Variants in SNED1 observed in about 807,000 individuals in gnomAD.
The protein encoded by SNED1 is sushi, nidogen and EGF like domains 1.
In SNED1, 81 loss-of-function variants were observed where a neutral mutation model predicts 166.7. The ratio of observed to expected loss-of-function variants is 0.49; its 90% CI spans 0.41 to 0.58. The LOEUF is 0.58. SNED1 is among the 20% of genes least tolerant of loss of function. The pLI, the probability that SNED1 is intolerant of heterozygous loss-of-function variation, is 0.00. For synonymous variants in SNED1, 762 were observed against 822.0 expected, an observed-to-expected ratio of 0.93 and a Z score of 1.25; for missense variants, 1,604 against 2,000.2, an observed-to-expected ratio of 0.80 and a Z score of 3.78.
intron 1 of SNED1, chr2:241,010,719 T>TG (rs1397695918): frequency 6.6e-6 from 1 of 152,480 alleles, no homozygotes; most frequent in Non-Finnish European, 1.5e-5. Flanking sequence ...GGTGCTCAGC[T>TG]GTGTCCAACG....
At chr2:241,079,468 T>C (rs547059600) in intron 27 of SNED1, among the ~76,000 whole-genome samples, 2 of 151,356 alleles carry the variant, frequency 1.3e-5, no homozygotes, top group South Asian at 4.2e-4. Flanking sequence ...TTGTCTTTTG[T>C]GTAGGAAAAT....
chr2:241,005,026 T>C (rs1053659105), intron 1 of SNED1, among the ~76,000 whole-genome samples: 4 of 152,116 alleles, frequency 2.6e-5, no homozygotes, highest in African/African-American at 9.7e-5. Context: ...TGGCCAATGT[T>C]TTTTTTCTTT....
Position 241,051,877 on chromosome 2 carries a change from C to A in SNED1, c.1852+17C>A. On this transcript the variant is annotated intron_variant, in intron 13 of 31. Transcript: ENST00000310397. This position sits in a 1 kb window ranked among gnomAD's most constrained non-coding sequence, Gnocchi z 4.7. Reference sequence around the variant, plus strand: ...GTGAGATCGGTGCGGCCCCCAGGGGCAGGGGGGAGGGCAGGAACGACGGGC... The same window carrying A: ...GTGAGATCGGTGCGGCCCCCAGGGGAAGGGGGGAGGGCAGGAACGACGGGC... 1.3e-6 allele frequency: 2 copies of A among 1,524,358 alleles called. No homozygotes were observed. The highest frequency in any genetic ancestry group is 1.8e-6 in the Non-Finnish European group (2 of 1,131,058). 94.4% of individuals were successfully genotyped at this position (1,524,358 alleles called of 1,614,324 possible). A position where few individuals can be genotyped will look rare whatever the true frequency, so the allele number is the denominator to read the frequency against.
rs1473770096 is a variant in SNED1, at chr2:241,073,264, A to G, written c.3818-2A>G. On this transcript the variant is annotated splice_acceptor_variant, in intron 26 of 31. Coordinates refer to ENST00000310397, the MANE Select transcript of SNED1 (RefSeq NM_001080437.3). LOFTEE classifies it high-confidence loss of function. This position sits in a 1 kb window ranked among gnomAD's most constrained non-coding sequence, Gnocchi z 6.6. ...GTGTGGTCACCGCCTGGCTTCTCCT[A>G]GAACCCACAGCCTCGGCGCAGCTCG... 1.3e-6 allele frequency: 2 copies of G among 1,554,868 alleles called. No individual in the cohort carries two copies. Among genetic ancestry groups the G allele is most frequent in the Non-Finnish European group, 8.7e-7 (1 of 1,149,468 alleles).
chr2:241,049,777 G>C, intron 11 of SNED1, 40 bp from the exon 12 acceptor site: 1 of 1,509,840 alleles, frequency 6.6e-7, no homozygotes, highest in South Asian at 1.1e-5. Flanking sequence ...GCACAGATGC[G>C]GCGTAAGCTC....
At chr2:241,077,557 C>A (rs1027069892) in intron 27 of SNED1, among the ~76,000 whole-genome samples, 1 of 152,008 alleles carries the variant, frequency 6.6e-6, no homozygotes, top group Non-Finnish European at 1.5e-5. Flanking sequence ...GCTCTGACAA[C>A]TGAACAATAA....
chr2:241,046,383 A>G (rs1001447510), intron 8 of SNED1, among the ~76,000 whole-genome samples: 4 of 152,230 alleles, frequency 2.6e-5, no homozygotes, highest in Non-Finnish European at 4.4e-5. Flanking sequence ...ATTTATAATC[A>G]CCAAACCCCA....
At chr2:241,048,817 C>A in intron 10 of SNED1, 51 bp downstream of exon 10, 1 of 1,459,802 alleles carries the variant, frequency 6.9e-7, no homozygotes, top group Non-Finnish European at 9.5e-7. Flanking sequence ...TCCTCATAAT[C>A]GGGAAATGAA....
chr2:241,070,215 G>A lies in SNED1; in HGVS notation c.3589+14G>A. The A allele has an allele frequency of 1.3e-6, 2 of 1,594,758 alleles. No individual in the cohort carries two copies. Among genetic ancestry groups the A allele is most frequent in the Non-Finnish European group, 8.5e-7 (1 of 1,173,434 alleles). ...ACATCATCACCTGTGAGTGCCGTGG[G>A]CCCTGCGCGTGGGCGGGGCCAGTGT... On this transcript the variant is annotated intron_variant, in intron 24 of 31. Coordinates refer to ENST00000310397, the MANE Select transcript of SNED1 (RefSeq NM_001080437.3).
At chr2:241,020,433 G>A (rs888320935) in intron 1 of SNED1, among the ~76,000 whole-genome samples, 18 of 152,354 alleles carry the variant, frequency 1.2e-4, no homozygotes, top group Non-Finnish European at 1.8e-4. Context: ...CGGGGGCCCC[G>A]TGACTCGAGC....
chr2:241,083,488 G>A (rs945661544), intron 29 of SNED1, among the ~76,000 whole-genome samples: 5 of 152,204 alleles, frequency 3.3e-5, no homozygotes, highest in East Asian at 1.9e-4. Context: ...ACGGGCAAGG[G>A]TAGAAGCTTC....
chr2:241,072,219 T>C (rs16843224), intron 26 of SNED1: 8,243 of 531,532 alleles, frequency 0.016, 430 homozygotes, highest in African/African-American at 0.13. Context: ...AGCTTTGTTT[T>C]AGTAAACCAT....
At chr2:241,050,479 G>T (rs777343972) in intron 12 of SNED1, among the ~76,000 whole-genome samples, 4 of 152,094 alleles carry the variant, frequency 2.6e-5, no homozygotes, top group Non-Finnish European at 5.9e-5. Flanking sequence ...CTGCCTGACC[G>T]CAGAGTGACC....
chr2:241,072,296 C>A, intron 26 of SNED1: 1 of 448,056 alleles, frequency 2.2e-6, no homozygotes, highest in South Asian at 1.6e-5. Flanking sequence ...CCGCCACTGT[C>A]CTGGCAAGAT....
Position 241,040,511 on chromosome 2 carries a change from C to T in SNED1, c.1273+98C>T, listed in dbSNP as rs563948264. ...TTCCCCTTCCTTCCTTGCCATCTGACTCACCTCACACCTGTCTCTGGGGTG... is the reference window on the plus strand; with the variant it reads ...TTCCCCTTCCTTCCTTGCCATCTGATTCACCTCACACCTGTCTCTGGGGTG... On this transcript the variant is annotated intron_variant, in intron 8 of 31. Coordinates refer to ENST00000310397, the MANE Select transcript of SNED1 (RefSeq NM_001080437.3). 115 of 744,084 alleles carry T rather than the reference C, an allele frequency of 1.5e-4. No homozygotes were observed. The African/African-American group carries it at 1.6e-3, about 10-fold the overall frequency. 46.1% of individuals were successfully genotyped at this position (744,084 alleles called of 1,614,324 possible).
At chr2:241,041,875 T>G (rs2061530044) in intron 8 of SNED1, among the ~76,000 whole-genome samples, 1 of 152,162 alleles carries the variant, frequency 6.6e-6, no homozygotes. Context: ...AAGAATTAAC[T>G]GCTCTTGGAA....
Position 241,064,995 on chromosome 2 carries a change from G to A in SNED1, c.2713+38G>A, listed in dbSNP as rs2062380419. 2 of 1,476,552 alleles carry A rather than the reference G, an allele frequency of 1.4e-6. No individual in the cohort carries two copies. The highest frequency in any genetic ancestry group is 2.8e-5 in the African/African-American group (2 of 70,530). 91.5% of individuals were successfully genotyped at this position (1,476,552 alleles called of 1,614,324 possible). A position where few individuals can be genotyped will look rare whatever the true frequency, so the allele number is the denominator to read the frequency against. On this transcript the variant is annotated intron_variant, in intron 20 of 31. Coordinates refer to ENST00000310397, the MANE Select transcript of SNED1 (RefSeq NM_001080437.3). The surrounding 1 kb of genome is among the most constrained non-coding windows in gnomAD (Gnocchi z 7.0). ...GGCGCCTCCAGTGAGGGAGCCACGA[G>A]GGGGTCCCCTCTCCCTAGAGGGCCC... is the stretch of plus-strand genomic sequence containing the variant.
intron 4 of SNED1, 127 bp from the exon 5 acceptor site, chr2:241,036,661 TGC>T: frequency 8.1e-7 from 1 of 1,228,758 alleles, no homozygotes; most frequent in Non-Finnish European, 1.1e-6. Flanking sequence ...GCTGCTTTGC[TGC>T]GGTCACCCGG....
At chr2:241,049,726 T>A in intron 11 of SNED1, 91 bp from the exon 12 acceptor site, 2 of 903,752 alleles carry the variant, frequency 2.2e-6, no homozygotes, top group Non-Finnish European at 3.6e-6. Context: ...GATGTCAGGG[T>A]AACCCTGGCA....
Sources: allele counts gnomAD v4.1 joint callset (sites outside exome capture counted in the v4.1 genomes callset), GRCh38; gene constraint gnomAD v4.1.1; non-coding constraint Gnocchi (gnomAD v3.1); transcripts MANE v1.5; gene names NCBI Gene and HGNC (gene_info 2026-07-23, HGNC 2026-07-21).